Variants in EPCAM observed in about 807,000 individuals in gnomAD.
The protein encoded by EPCAM is adenocarcinoma-associated antigen.
A neutral mutation model predicts 40.0 loss-of-function variants in EPCAM; 39 were observed. The observed-to-expected ratio is 0.98, with a 90% CI of 0.76 to 1.27. The LOEUF (loss-of-function observed/expected upper bound fraction) is 1.27, where lower values mean the gene tolerates loss of function less well. EPCAM is among the 50% of genes most tolerant of loss of function. The probability of loss-of-function intolerance (pLI) is 0.00; values close to 1 mark genes in which losing one functional copy is unlikely to be tolerated. For missense variants in EPCAM, 503 were observed against 381.2 expected, an observed-to-expected ratio of 1.32 and a Z score of -2.66; for synonymous variants, 168 against 132.3, an observed-to-expected ratio of 1.27 and a Z score of -1.85.
chr2:47,381,181 G>A (rs1294240435), intron 7 of EPCAM, among the ~76,000 whole-genome samples: 4 of 148,082 alleles, frequency 2.7e-5, no homozygotes, highest in Admixed American at 6.8e-5. Context: ...TGGATCACCC[G>A]AGGTCGGGAG....
rs767811939 is a variant in EPCAM, at chr2:47,379,035, C to T, written c.638C>T (p.Ala213Val). 1 of 1,587,806 alleles carries T rather than the reference C, an allele frequency of 6.3e-7. No individual in the cohort carries two copies. The highest frequency in any genetic ancestry group is 8.6e-7 in the Non-Finnish European group (1 of 1,156,316). The change falls in exon 6 of 9, where the codon GCT becomes GTT. Residue 213 changes from alanine (A) to valine (V), a missense_variant. By Grantham distance (64) the Ala-to-Val change is moderately conservative. Coordinates refer to ENST00000263735, the MANE Select transcript of EPCAM (RefSeq NM_002354.3). Reference sequence around the variant, plus strand: ...AATGATGTGGACATAGCTGATGTGGCTTATTATTTTGAAAAAGATGTGAGT... The same window carrying T: ...AATGATGTGGACATAGCTGATGTGGTTTATTATTTTGAAAAAGATGTGAGT... ...TQNDVDIADV[A>V]YYFEKDVKGE...
intron 7 of EPCAM, among the ~76,000 whole-genome samples, chr2:47,382,940 A>G (rs2103764377): frequency 6.6e-6 from 1 of 151,956 alleles, no homozygotes; most frequent in African/African-American, 2.4e-5. Flanking sequence ...TGATATTTGT[A>G]TTAGTGTGGA....
intron 3 of EPCAM, among the ~76,000 whole-genome samples, chr2:47,374,388 T>C (rs1254480325): frequency 6.6e-6 from 1 of 152,202 alleles, no homozygotes; most frequent in African/African-American, 2.4e-5. Context: ...AGTAAATGTA[T>C]GTAATTTAAC....
At chr2:47,385,268 C>G (rs1055700971) in intron 8 of EPCAM, 58 bp downstream of exon 8, 1 of 1,334,614 alleles carries the variant, frequency 7.5e-7, no homozygotes, top group Non-Finnish European at 1.1e-6. Context: ...CTCCTAATCA[C>G]TCTACCTTCC....
intron 6 of EPCAM, 50 bp downstream of exon 6, chr2:47,379,104 C>T (rs755461216): frequency 1.0e-6 from 1 of 962,870 alleles, no homozygotes; most frequent in South Asian, 1.3e-5. Context: ...GTCTATCATG[C>T]CTCAATGAAT....
At position 47,382,778 on chromosome 2, in the gene EPCAM, G is replaced by A. The variant is rs542646487; in HGVS notation, c.859-2388G>A. 3.9e-5 allele frequency among the ~76,000 whole-genome samples: 6 copies of A among 152,254 alleles called. No homozygotes were observed. The East Asian group carries it at 7.7e-4, about 20-fold the overall frequency. On this transcript the variant is annotated intron_variant, in intron 7 of 8. Coordinates refer to ENST00000263735, the MANE Select transcript of EPCAM (RefSeq NM_002354.3). Reference sequence around the variant, plus strand: ...AGTAAATTATGTTTATTGTATCTACGATAGGGAATAATGTGAATGGTGAAT... The same window carrying A: ...AGTAAATTATGTTTATTGTATCTACAATAGGGAATAATGTGAATGGTGAAT...
At chr2:47,378,863 C>T (rs1671498006) in intron 5 of EPCAM, 90 bp from the exon 6 acceptor site, 3 of 721,140 alleles carry the variant, frequency 4.2e-6, no homozygotes, top group Non-Finnish European at 7.5e-6. Flanking sequence ...GAAAATCAAA[C>T]ACTGAATATT....
At chr2:47,377,853 G>A in intron 5 of EPCAM, 1 of 426,470 alleles carries the variant, frequency 2.3e-6, no homozygotes, top group Non-Finnish European at 4.7e-6. Flanking sequence ...ATAAAAAGAA[G>A]CTTGAATAGT....
rs184405344 is a variant in EPCAM at position 47,375,151 on chromosome 2, C to A, written c.426-83C>A. ...TTTTTTTCTCTTAGTCCTTATAATT[C>A]GAGAATTTTAGGATTAGCTTATTAG... On this transcript the variant is annotated intron_variant, in intron 3 of 8. Coordinates refer to ENST00000263735, the MANE Select transcript of EPCAM (RefSeq NM_002354.3). 9.6e-6 allele frequency: 10 copies of A among 1,047,010 alleles called. No homozygotes were observed. In the East Asian group the frequency reaches 1.5e-4, roughly 15 times the overall value. 64.9% of individuals were successfully genotyped at this position (1,047,010 alleles called of 1,614,324 possible).
chr2:47,371,411 C>T (rs1434307040), intron 1 of EPCAM, among the ~76,000 whole-genome samples: 3 of 152,210 alleles, frequency 2.0e-5, no homozygotes, highest in African/African-American at 7.2e-5. Flanking sequence ...CAGGCATGAG[C>T]CACCGGTCCG....
intron 3 of EPCAM, among the ~76,000 whole-genome samples, chr2:47,374,956 T>C (rs1327800656): frequency 6.6e-6 from 1 of 152,174 alleles, no homozygotes. Flanking sequence ...CTTTTCATCT[T>C]TTTAGTTGAA....
At position 47,369,458 on chromosome 2, in the gene EPCAM, G is replaced by A. The variant is rs2103737688; in HGVS notation, c.-48G>A. The A allele has an allele frequency of 7.2e-7, 1 of 1,383,442 alleles. No individual in the cohort carries two copies. The highest frequency in any genetic ancestry group is 1.5e-5 in the South Asian group (1 of 65,804). 85.7% of individuals were successfully genotyped at this position (1,383,442 alleles called of 1,614,324 possible). ...TCCCACTCCCGGCGCACGCCCTCCC[G>A]CGAGTCCCGGGCCCCTCCCGCGCCC... On this transcript the variant is annotated 5_prime_UTR_variant, in exon 1 of 9. Coordinates refer to ENST00000263735, the MANE Select transcript of EPCAM (RefSeq NM_002354.3).
chr2:47,378,540 G>A (rs1420579857), intron 5 of EPCAM, among the ~76,000 whole-genome samples: 1 of 152,002 alleles, frequency 6.6e-6, no homozygotes, highest in Non-Finnish European at 1.5e-5. Context: ...GACCTCAGGT[G>A]ATCCGCCCAC....
chr2:47,375,369 A>G (rs766437461), intron 4 of EPCAM, 70 bp downstream of exon 4: 133 of 996,198 alleles, frequency 1.3e-4, no homozygotes, highest in Non-Finnish European at 2.0e-4. Context: ...ACACCATTAG[A>G]AAAAGCAAGT....
chr2:47,374,102 T>C, intron 3 of EPCAM, 54 bp downstream of exon 3: 4 of 1,591,196 alleles, frequency 2.5e-6, no homozygotes, highest in Admixed American at 1.7e-5. Context: ...TTCATTTAAT[T>C]AAATTTATTT....
chr2:47,386,594 A>C lies in EPCAM; in HGVS notation c.926A>C (p.His309Pro). The C allele has an allele frequency of 6.2e-7, 1 of 1,607,464 alleles. No homozygotes were observed. Residue 309 changes from histidine to proline, a missense_variant, in exon 9 of 9, where the codon CAT becomes CCT. Coordinates refer to ENST00000263735, the MANE Select transcript of EPCAM (RefSeq NM_002354.3). ...CAGATAAAGGAGATGGGTGAGATGC[A>C]TAGGGAACTCAATGCATAACTATAT... Reference protein sequence around the residue: ...KAEIKEMGEMHRELNA With the variant: ...KAEIKEMGEMPRELNA
chr2:47,378,477 T>C (rs1253531280), intron 5 of EPCAM, among the ~76,000 whole-genome samples: 1 of 151,872 alleles, frequency 6.6e-6, no homozygotes, highest in Non-Finnish European at 1.5e-5. Flanking sequence ...TAATTTTGTA[T>C]TTTTAGTAGA....
At chr2:47,372,805 G>C (rs1671309615) in intron 1 of EPCAM, among the ~76,000 whole-genome samples, 2 of 152,042 alleles carry the variant, frequency 1.3e-5, no homozygotes, top group South Asian at 4.1e-4. Flanking sequence ...GTGACTAACA[G>C]GGATGTTACT....
intron 3 of EPCAM, 45 bp from the exon 4 acceptor site, chr2:47,375,189 G>C (rs1175944781): frequency 7.2e-7 from 1 of 1,393,468 alleles, no homozygotes; most frequent in South Asian, 1.2e-5. Context: ...AAATAGTATG[G>C]AAGACTGAGT....
Sources: allele counts gnomAD v4.1 joint callset (sites outside exome capture counted in the v4.1 genomes callset), GRCh38; gene constraint gnomAD v4.1.1; transcripts MANE v1.5; gene names NCBI Gene and HGNC (gene_info 2026-07-23, HGNC 2026-07-21).